ENOX2: variants seen among roughly 807,000 people sequenced by gnomAD.
The protein encoded by ENOX2 is ecto-NOX disulfide-thiol exchanger 2.
A neutral mutation model predicts 45.0 loss-of-function variants in ENOX2; 36 were observed. That is an observed-to-expected ratio of 0.80 (90% CI 0.61 to 1.06). The LOEUF is 1.06. Among genes scored for constraint, ENOX2 ranks in the 50% least tolerant of loss-of-function variants. ENOX2 has a pLI of 0.00. For synonymous variants in ENOX2, 174 were observed against 152.3 expected (o/e 1.14, Z -1.05); for missense variants, 423 against 462.5 (o/e 0.91, Z 0.78).
intron 3 of ENOX2, among the ~76,000 whole-genome samples, chrX:130,748,350 T>C (rs146107140): frequency 0.011 from 1,220 of 112,202 alleles, 25 homozygotes; most frequent in African/African-American, 0.037. Flanking sequence ...AGTGAAACAC[T>C]TCCTGAAGTA....
chrX:130,894,153 T>C (rs1034415614), intron 2 of ENOX2, among the ~76,000 whole-genome samples: 31 of 111,487 alleles, frequency 2.8e-4, no homozygotes, highest in Admixed American at 8.6e-4. Flanking sequence ...CATTGCTGAA[T>C]AGTAGCAAGT....
At chrX:130,791,079 C>G (rs192626617) in intron 2 of ENOX2, among the ~76,000 whole-genome samples, 3 of 111,633 alleles carry the variant, frequency 2.7e-5, no homozygotes, top group African/African-American at 9.8e-5. Flanking sequence ...CTGCCTCTGT[C>G]TCCCTAAGTG....
intron 3 of ENOX2, among the ~76,000 whole-genome samples, chrX:130,731,512 T>G (rs1322301556): frequency 2.7e-5 from 3 of 111,462 alleles, no homozygotes; most frequent in African/African-American, 9.8e-5. Flanking sequence ...ACATCCACAG[T>G]TGGGAAAAGG....
intron 13 of ENOX2, among the ~76,000 whole-genome samples, chrX:130,631,130 C>G (rs1316845172): frequency 9.0e-6 from 1 of 110,674 alleles, no homozygotes; most frequent in Non-Finnish European, 1.9e-5. Flanking sequence ...GCGCTAGCCC[C>G]CTGAGTGGAC....
At chrX:130,818,799 G>A (rs1283561784) in intron 2 of ENOX2, among the ~76,000 whole-genome samples, 7 of 111,957 alleles carry the variant, frequency 6.3e-5, no homozygotes, top group Non-Finnish European at 1.1e-4. Flanking sequence ...AAAAACCCTA[G>A]AAGAAAACCT....
chrX:130,700,878 GTAATCCCCTGA>G (rs2037880888), intron 4 of ENOX2, among the ~76,000 whole-genome samples: 1 of 111,435 alleles, frequency 9.0e-6, no homozygotes, highest in South Asian at 3.8e-4. Flanking sequence ...TCAAACCCAT[GTAATCCCCTGA>G]CTTCAAGGCT....
At chrX:130,699,987 A>G (rs1486017847) in intron 4 of ENOX2, among the ~76,000 whole-genome samples, 1 of 112,270 alleles carries the variant, frequency 8.9e-6, no homozygotes, top group Admixed American at 9.5e-5. Flanking sequence ...CTAAGGCTTT[A>G]CATGTATTAA....
intron 3 of ENOX2, among the ~76,000 whole-genome samples, chrX:130,751,094 A>T (rs1569496881): frequency 9.0e-6 from 1 of 111,671 alleles, no homozygotes; most frequent in Non-Finnish European, 1.9e-5. Context: ...AGTGGAATTA[A>T]GTACATTCAC....
chrX:130,732,766 C>T lies in ENOX2; in HGVS notation c.-38-29512G>A, dbSNP rs775688789. On this transcript the variant is annotated intron_variant, in intron 3 of 14. Coordinates refer to ENST00000394363, the MANE Select transcript of ENOX2 (RefSeq NM_006375.4). The stretch of plus-strand genomic sequence containing the variant: ...ATCTTCAACAAGAGCACCAAAAATA[C>T]GCAACAGGGAAAGTACAGTCTCTTT... 4.3e-3 allele frequency among the ~76,000 whole-genome samples: 481 copies of T among 111,043 alleles called. 4 individuals are homozygous for T. Among genetic ancestry groups the T allele is most frequent in the African/African-American group, 0.015 (452 of 30,614 alleles).
At chrX:130,892,587 A>G (rs771335999) in intron 2 of ENOX2, among the ~76,000 whole-genome samples, 1 of 112,580 alleles carries the variant, frequency 8.9e-6, no homozygotes, top group East Asian at 2.8e-4. Context: ...CTCTGGCACT[A>G]GCTCTGTTTC....
rs931303546 is a variant in ENOX2 at position 130,899,880 on chromosome X, G to C, written c.-183+1804C>G. On this transcript the variant is annotated intron_variant, in intron 2 of 14. Coordinates refer to ENST00000394363, the MANE Select transcript of ENOX2 (RefSeq NM_006375.4). ...ACAATATAAAGGACAAGAGGCAAGG[G>C]GGGCATGCAGACTTTTAAAACAATT... Among the ~76,000 whole-genome samples, 7 of 112,190 alleles carry C rather than the reference G, an allele frequency of 6.2e-5. No individual in the cohort carries two copies. In the South Asian group the frequency reaches 1.1e-3, roughly 18 times the overall value.
At chrX:130,636,617 T>C (rs1411885879) in intron 11 of ENOX2, among the ~76,000 whole-genome samples, 1 of 112,849 alleles carries the variant, frequency 8.9e-6, no homozygotes, top group East Asian at 2.8e-4. Flanking sequence ...CACTATGTTG[T>C]CTGTGAATGC....
Position 130,809,968 on chromosome X carries a change from C to A in ENOX2, c.-182-26278G>T, listed in dbSNP as rs184443026. Among the ~76,000 whole-genome samples, 20 of 111,515 alleles carry A rather than the reference C, an allele frequency of 1.8e-4. No homozygotes were observed. In the East Asian group the frequency reaches 5.6e-3, roughly 31 times the overall value. ...AACTACCTACACACAAAAATACCTA[C>A]CCAAGAGTGAAGGAAACCAGGTGAG... On this transcript the variant is annotated intron_variant, in intron 2 of 14. Coordinates refer to ENST00000394363, the MANE Select transcript of ENOX2 (RefSeq NM_006375.4).
chrX:130,664,239 T>A (rs1207659694), intron 9 of ENOX2, among the ~76,000 whole-genome samples: 1 of 112,130 alleles, frequency 8.9e-6, no homozygotes, highest in Non-Finnish European at 1.9e-5. Flanking sequence ...TTTTCATGGT[T>A]TTCAAATTGT....
intron 3 of ENOX2, among the ~76,000 whole-genome samples, chrX:130,752,134 G>A (rs1449254379): frequency 1.8e-5 from 2 of 110,815 alleles, no homozygotes; most frequent in Admixed American, 1.9e-4. Context: ...GGCTCTACCT[G>A]TTCCTTCTTT....
chrX:130,638,431 AACACACACACACACACAC>A (rs34648095), intron 10 of ENOX2, among the ~76,000 whole-genome samples: 1 of 92,779 alleles, frequency 1.1e-5, no homozygotes, highest in South Asian at 5.2e-4. Context: ...AACAATTTGA[AACACACACACACACACAC>A]ACACACACAC....
At chrX:130,795,702 C>T (rs776807025) in intron 2 of ENOX2, among the ~76,000 whole-genome samples, 11 of 111,880 alleles carry the variant, frequency 9.8e-5, no homozygotes, top group Non-Finnish European at 1.9e-4. Flanking sequence ...TGCCAATTCC[C>T]CTAAGTACCC....
chrX:130,827,727 A>AT (rs1298955306), intron 2 of ENOX2, among the ~76,000 whole-genome samples: 1 of 111,984 alleles, frequency 8.9e-6, no homozygotes, highest in African/African-American at 3.2e-5. Flanking sequence ...CAAAGTAACC[A>AT]TTTTTTAAAA....
intron 2 of ENOX2, among the ~76,000 whole-genome samples, chrX:130,823,880 A>G (rs1478040133): frequency 3.6e-5 from 4 of 112,210 alleles, no homozygotes; most frequent in African/African-American, 1.3e-4. Context: ...ATGTGTACGA[A>G]AAGCCCTCCA....
Sources: gnomAD v4.1 joint callset for allele counts (sites outside exome capture counted in the v4.1 genomes callset) on GRCh38, gnomAD v4.1.1 for gene constraint, MANE v1.5 for transcripts, NCBI Gene and HGNC (gene_info 2026-07-23, HGNC 2026-07-21) for gene names.